Variants in ZBTB25 observed in about 807,000 individuals in gnomAD.
The protein encoded by ZBTB25 is zinc finger and BTB domain containing 25.
A neutral mutation model predicts 34.2 loss-of-function variants in ZBTB25; 20 were observed. That is an observed-to-expected ratio of 0.58 (90% CI 0.41 to 0.85). The LOEUF is 0.85. Among genes scored for constraint, ZBTB25 ranks in the 40% least tolerant of loss-of-function variants. The probability of loss-of-function intolerance (pLI) is 0.00; values close to 1 mark genes in which losing one functional copy is unlikely to be tolerated. For synonymous variants in ZBTB25, 175 were observed against 186.4 expected (o/e 0.94, Z 0.50); for missense variants, 437 against 521.8 (o/e 0.84, Z 1.58).
At chr14:64,477,490 A>T (rs768086804), downstream of ZBTB25, among the ~76,000 whole-genome samples, 3 of 152,228 alleles carry the variant, frequency 2.0e-5, no homozygotes, top group Non-Finnish European at 4.4e-5. Flanking sequence ...GACAGCACAC[A>T]TGTGAAAAAA....
chr14:64,501,025 T>C (rs1218932878), intron 1 of ZBTB25, among the ~76,000 whole-genome samples: 1 of 152,158 alleles, frequency 6.6e-6, no homozygotes, highest in Non-Finnish European at 1.5e-5. Flanking sequence ...CACTCCAGCC[T>C]GGGTGACAGA....
chr14:64,487,195 T>C lies in ZBTB25; in HGVS notation c.1036A>G (p.Lys346Glu), dbSNP rs1449070250. 6.2e-7 allele frequency: 1 copy of C among 1,614,106 alleles called. No individual in the cohort carries two copies. The highest frequency in any genetic ancestry group is 8.5e-7 in the Non-Finnish European group (1 of 1,179,998). The change falls in exon 3 of 3, where the codon AAA (lysine) becomes GAA (glutamate). Residue 346 changes from lysine to glutamate, a missense_variant. Coordinates refer to ENST00000608382, the MANE Select transcript of ZBTB25 (RefSeq NM_006977.5). Reference sequence around the variant, plus strand: ...CAGATGGTACAGCTCATTTTTCTTTTCCTTGAAAAAGAAAAATTACAGTTT... The same window carrying C: ...CAGATGGTACAGCTCATTTTTCTTTCCCTTGAAAAAGAAAAATTACAGTTT... ...ELNCNFSFSR[K>E]RKMSCTICGH...
chr14:64,498,628 A>G (rs376092700), intron 1 of ZBTB25, among the ~76,000 whole-genome samples: 1 of 148,118 alleles, frequency 6.8e-6, no homozygotes, highest in African/African-American at 2.5e-5. Context: ...TTATTTGTTT[A>G]TTTATTTTTA....
rs985430692 is a variant in ZBTB25, at chr14:64,502,824, C to G, written c.-8+837G>C. The G allele has an allele frequency of 1.3e-5, 13 of 969,650 alleles. No homozygotes were observed. In the Admixed American group the frequency reaches 2.5e-4, roughly 18 times the overall value. The allele number at this position is 969,650 out of a possible 1,614,324, so 60.1% of individuals were successfully genotyped here. ...CAGGCCTGGTGTCTTCTCTGTAAAA[C>G]GAGAGGGATGAAACAGATTTTCTAT... On this transcript the variant is annotated intron_variant, in intron 1 of 2. Transcript: ENST00000608382.
chr14:64,498,439 G>A (rs1488201658), intron 1 of ZBTB25, among the ~76,000 whole-genome samples: 1 of 151,206 alleles, frequency 6.6e-6, no homozygotes, highest in African/African-American at 2.4e-5. Context: ...TCAGCCTCCT[G>A]AGTAGCTGGG....
chr14:64,485,448 T>A lies in ZBTB25; in HGVS notation c.*1475A>T. 1 of 985,400 alleles carries A rather than the reference T, an allele frequency of 1.0e-6. No individual in the cohort carries two copies. The highest frequency in any genetic ancestry group is 4.7e-5 in the South Asian group (1 of 21,288). 61.0% of individuals were successfully genotyped at this position (985,400 alleles called of 1,614,324 possible). A position where few individuals can be genotyped will look rare whatever the true frequency, so the allele number is the denominator to read the frequency against. The stretch of plus-strand genomic sequence containing the variant: ...TTCAGAAACAATTTAGATCTATCCT[T>A]TGTGGTGAAGCTTAACCAGCTATTT... On this transcript the variant is annotated 3_prime_UTR_variant, in exon 3 of 3. Transcript: ENST00000608382.
At chr14:64,459,701 C>A in intron 2 of ZBTB25, 1 of 1,391,942 alleles carries the variant, frequency 7.2e-7, no homozygotes, top group Non-Finnish European at 9.5e-7. Flanking sequence ...ATGGAAGGAA[C>A]AGGAAACATT....
chr14:64,468,763 TA>T (rs2078637400), intron 2 of ZBTB25: 1 of 1,614,018 alleles, frequency 6.2e-7, no homozygotes, highest in Non-Finnish European at 8.5e-7. Flanking sequence ...AGGCAAAATC[TA>T]GACTTAAGAT....
At chr14:64,500,454 C>CAAAAAAAAAAAAA (rs374975040) in intron 1 of ZBTB25, among the ~76,000 whole-genome samples, 1 of 52,082 alleles carries the variant, frequency 1.9e-5, no homozygotes, top group African/African-American at 8.2e-5. Flanking sequence ...CCCAATAAAG[C>CAAAAAAAAAAAAA]AAAAAAAAAA....
At chr14:64,459,204 T>C (rs139220969) in intron 2 of ZBTB25, among the ~76,000 whole-genome samples, 16 of 152,122 alleles carry the variant, frequency 1.1e-4, no homozygotes, top group African/African-American at 3.9e-4. Context: ...TATTTAGCAA[T>C]GTACTTAGCA....
At chr14:64,458,196 T>A in intron 2 of ZBTB25, 1 of 1,574,176 alleles carries the variant, frequency 6.4e-7, no homozygotes, top group Non-Finnish European at 8.7e-7. Context: ...TTATTTGTAA[T>A]GCTTTTTTAC....
At chr14:64,460,131 A>G (rs1310496064) in intron 2 of ZBTB25, 9 of 571,390 alleles carry the variant, frequency 1.6e-5, no homozygotes, top group African/African-American at 5.6e-5. Flanking sequence ...GCCCTTTATG[A>G]TACTGTTGTG....
At chr14:64,489,272 A>AAAAAAT (rs2078989399) in intron 2 of ZBTB25, among the ~76,000 whole-genome samples, 1 of 147,402 alleles carries the variant, frequency 6.8e-6, no homozygotes, top group African/African-American at 2.4e-5. Context: ...TCCGTCTCAA[A>AAAAAAT]AAAAATAAAA....
At chr14:64,470,583 CCTT>C (rs1415548464) in intron 2 of ZBTB25, 2 of 142,984 alleles carry the variant, frequency 1.4e-5, no homozygotes, top group South Asian at 2.5e-4. Context: ...GAGCGAGACT[CCTT>C]CTCAAAAAAA....
chr14:64,464,036 A>T (rs989125205), intron 2 of ZBTB25, among the ~76,000 whole-genome samples: 2 of 145,576 alleles, frequency 1.4e-5, no homozygotes, highest in African/African-American at 2.5e-5. Flanking sequence ...GGCTGACTGA[A>T]TTTTTTTTTT....
intron 2 of ZBTB25, chr14:64,462,223 C>A: frequency 6.6e-6 from 1 of 152,112 alleles, no homozygotes; most frequent in Non-Finnish European, 1.5e-5. Flanking sequence ...GAGTTCAAGA[C>A]TAACCTGGAC....
At chr14:64,490,208 CAAAAAAAAAAAAAAAAAAAAAAAA>C (rs61367816) in intron 2 of ZBTB25, among the ~76,000 whole-genome samples, 129 bp downstream of exon 2, 7 of 90,940 alleles carry the variant, frequency 7.7e-5, no homozygotes, top group East Asian at 3.2e-4. Flanking sequence ...ACTCTGTCGC[CAAAAAAAAAAAAAAAAAAAAAAAA>C]AAAAAAAAAA....
chr14:64,457,382 T>C (rs1404586896), intron 2 of ZBTB25, among the ~76,000 whole-genome samples: 1 of 152,046 alleles, frequency 6.6e-6, no homozygotes, highest in East Asian at 1.9e-4. Flanking sequence ...CTACTGCTTG[T>C]GACCACATGG....
At chr14:64,463,963 G>A (rs1023765285) in intron 2 of ZBTB25, among the ~76,000 whole-genome samples, 1 of 152,120 alleles carries the variant, frequency 6.6e-6, no homozygotes, top group Non-Finnish European at 1.5e-5. Context: ...GCAACAAGCA[G>A]CGCTAGCAAC....
Sources: gnomAD v4.1 joint callset for allele counts (sites outside exome capture counted in the v4.1 genomes callset) on GRCh38, gnomAD v4.1.1 for gene constraint, MANE v1.5 for transcripts, NCBI Gene and HGNC (gene_info 2026-07-23, HGNC 2026-07-21) for gene names.